Variants in ARMH4 observed in about 807,000 individuals in gnomAD.
The protein encoded by ARMH4 is armadillo like helical domain containing 4, also known as armadillo-like helical domain-containing protein 4.
ARMH4 carries 49 observed loss-of-function variants against 61.9 expected under a neutral mutation model. The ratio of observed to expected loss-of-function variants is 0.79; its 90% CI spans 0.63 to 1.00. ARMH4 has a LOEUF of 1.00. Ranked by LOEUF, ARMH4 falls within the 50% of genes least tolerant of loss-of-function variation. The pLI, the probability that ARMH4 is intolerant of heterozygous loss-of-function variation, is 0.00. For missense variants in ARMH4, 934 were observed against 930.0 expected (o/e 1.00, Z -0.06); for synonymous variants, 368 against 341.5 (o/e 1.08, Z -0.85).
intron 5 of ARMH4, among the ~76,000 whole-genome samples, chr14:58,081,498 T>C (rs1375375712): frequency 1.3e-5 from 2 of 151,860 alleles, no homozygotes; most frequent in Non-Finnish European, 2.9e-5. Context: ...AATTTTAAGT[T>C]CATATCTTTT....
intron 5 of ARMH4, among the ~76,000 whole-genome samples, chr14:58,080,554 T>A (rs1039181311): frequency 6.6e-6 from 1 of 152,126 alleles, no homozygotes; most frequent in African/African-American, 2.4e-5. Flanking sequence ...AGAGAGCCTC[T>A]GGATGGAAAC....
Position 58,004,713 on chromosome 14 carries a change from T to C in ARMH4, c.*23A>G. The C allele has an allele frequency of 6.4e-7, 1 of 1,561,876 alleles. No homozygotes were observed. The highest frequency in any genetic ancestry group is 2.3e-5 in the East Asian group (1 of 44,328). ...ATTAGAATAGTAGCATCGTTGAATA[T>C]CCCAATTAAAACCCAGTCCAATTCA... On this transcript the variant is annotated 3_prime_UTR_variant, in exon 8 of 8. Transcript: ENST00000267485.
chr14:58,100,412 T>C (rs931803263), intron 4 of ARMH4, among the ~76,000 whole-genome samples: 17 of 152,094 alleles, frequency 1.1e-4, no homozygotes, highest in Non-Finnish European at 1.8e-4. Context: ...GGCGCAGGCA[T>C]GGGTGGAGAG....
At chr14:58,130,825 A>G (rs1248121765) in intron 4 of ARMH4, among the ~76,000 whole-genome samples, 2 of 152,208 alleles carry the variant, frequency 1.3e-5, no homozygotes, top group Non-Finnish European at 2.9e-5. Flanking sequence ...TACACCCCAC[A>G]TTAAAACTTG....
intron 6 of ARMH4, among the ~76,000 whole-genome samples, chr14:58,007,484 ATC>A (rs1452886968): frequency 6.6e-6 from 1 of 152,184 alleles, no homozygotes; most frequent in Non-Finnish European, 1.5e-5. Flanking sequence ...ACTCAGTTAC[ATC>A]TCTCTTTTTT....
intron 5 of ARMH4, among the ~76,000 whole-genome samples, chr14:58,015,240 A>G (rs1257293485): frequency 2.6e-5 from 4 of 152,244 alleles, no homozygotes; most frequent in Non-Finnish European, 5.9e-5. Context: ...TCAGTGCAAG[A>G]TGTTTACATG....
intron 5 of ARMH4, among the ~76,000 whole-genome samples, chr14:58,046,457 T>C (rs1313335790): frequency 1.3e-5 from 2 of 152,148 alleles, no homozygotes; most frequent in Non-Finnish European, 2.9e-5. Context: ...CCTTGTGCAG[T>C]AAGAAAGGCA....
chr14:58,145,662 C>G (rs1887711076), intron 1 of ARMH4, among the ~76,000 whole-genome samples: 1 of 152,196 alleles, frequency 6.6e-6, no homozygotes, highest in African/African-American at 2.4e-5. Context: ...AAAGACTTGC[C>G]TTCTGTGATT....
intron 4 of ARMH4, among the ~76,000 whole-genome samples, chr14:58,112,884 C>T (rs1594764429): frequency 6.6e-6 from 1 of 152,230 alleles, no homozygotes; most frequent in East Asian, 1.9e-4. Flanking sequence ...TTTCCCCTGG[C>T]TTTTTTCCTT....
intron 4 of ARMH4, among the ~76,000 whole-genome samples, chr14:58,102,561 C>T: frequency 6.6e-6 from 1 of 151,896 alleles, no homozygotes; most frequent in East Asian, 1.9e-4. Context: ...CCTGTAATCC[C>T]AGCACTTTGG....
chr14:58,087,313 G>A (rs1307734839), intron 5 of ARMH4, among the ~76,000 whole-genome samples: 3 of 152,094 alleles, frequency 2.0e-5, no homozygotes, highest in Non-Finnish European at 2.9e-5. Context: ...AGATGCAGCT[G>A]GTCCAAAGGT....
chr14:58,134,940 G>A (rs1298171350), intron 2 of ARMH4, among the ~76,000 whole-genome samples: 1 of 141,434 alleles, frequency 7.1e-6, no homozygotes, highest in Non-Finnish European at 1.5e-5. Context: ...CTAGATGACA[G>A]AGGGAGACTC....
chr14:58,081,743 T>C (rs1594745982), intron 5 of ARMH4, among the ~76,000 whole-genome samples: 1 of 151,788 alleles, frequency 6.6e-6, no homozygotes, highest in Non-Finnish European at 1.5e-5. Context: ...CCTGACCTCA[T>C]GATCCGCCCG....
intron 5 of ARMH4, among the ~76,000 whole-genome samples, chr14:58,022,763 T>A (rs1882885600): frequency 6.6e-6 from 1 of 152,176 alleles, no homozygotes; most frequent in African/African-American, 2.4e-5. Context: ...AGCTGGCCCT[T>A]TGCCATACCA....
At chr14:58,126,242 A>T (rs1331051406) in intron 4 of ARMH4, among the ~76,000 whole-genome samples, 1 of 152,246 alleles carries the variant, frequency 6.6e-6, no homozygotes, top group Non-Finnish European at 1.5e-5. Flanking sequence ...AAAGAGACAA[A>T]GACATTGGCT....
In ARMH4 at chr14:58,138,406, T is replaced by A. The variant is rs757266518; in HGVS notation, c.953A>T (p.Lys318Ile). 6.2e-7 allele frequency: 1 copy of A among 1,614,148 alleles called. No homozygotes were observed. The highest frequency in any genetic ancestry group is 2.2e-5 in the East Asian group (1 of 44,882). ...SALSDEWDDT[K>I]LESVSRIRTP... Reference sequence around the variant, plus strand: ...CCTTATCCGGCTTACACTCTCTAATTTGGTGTCATCCCACTCATCACTTAA... The same window carrying A: ...CCTTATCCGGCTTACACTCTCTAATATGGTGTCATCCCACTCATCACTTAA... Residue 318 changes from lysine (K) to isoleucine (I), a missense_variant, in exon 2 of 8, where the codon AAA becomes ATA. Lys to Ile is a moderately radical substitution (Grantham distance 102). Transcript: ENST00000267485.
intron 5 of ARMH4, among the ~76,000 whole-genome samples, chr14:58,091,883 G>T (rs1439860102): frequency 6.6e-6 from 1 of 151,988 alleles, no homozygotes; most frequent in Non-Finnish European, 1.5e-5. Context: ...CTCTATCCCA[G>T]CAACACACAG....
In ARMH4 at chr14:58,005,047, C is replaced by G; in HGVS notation, c.2256+1G>C. 1 of 1,613,950 alleles carries G rather than the reference C, an allele frequency of 6.2e-7. No homozygotes were observed. Among genetic ancestry groups the G allele is most frequent in the Middle Eastern group, 1.7e-4 (1 of 6,060 alleles). On this transcript the variant is annotated splice_donor_variant, in intron 7 of 7. Transcript: ENST00000267485. LOFTEE classifies it high-confidence loss of function. Reference sequence around the variant, plus strand: ...AGGTTTTGCTGTTGTTGGTTCCATACCTTTCTTTTATGCCTTTTGAAGCCA... The same window carrying G: ...AGGTTTTGCTGTTGTTGGTTCCATAGCTTTCTTTTATGCCTTTTGAAGCCA...
At chr14:58,061,527 A>C (rs1884530961) in intron 5 of ARMH4, among the ~76,000 whole-genome samples, 1 of 152,188 alleles carries the variant, frequency 6.6e-6, no homozygotes, top group Non-Finnish European at 1.5e-5. Context: ...TCCTCTCCAA[A>C]GCCAGAATCT....
Sources: allele counts gnomAD v4.1 joint callset (sites outside exome capture counted in the v4.1 genomes callset), GRCh38; gene constraint gnomAD v4.1.1; transcripts MANE v1.5; gene names NCBI Gene and HGNC (gene_info 2026-07-23, HGNC 2026-07-21).